Variants in LRRC37A2 observed in about 807,000 individuals in gnomAD.
The protein encoded by LRRC37A2 is leucine-rich repeat-containing protein 37A2.
LRRC37A2 carries 9 observed loss-of-function variants against 68.8 expected under a neutral mutation model. The observed-to-expected ratio is 0.13, with a 90% confidence interval of 0.08 to 0.23. The LOEUF (loss-of-function observed/expected upper bound fraction) is 0.23. Ranked by LOEUF, LRRC37A2 falls within the 10% of genes least tolerant of loss-of-function variation. The pLI is 1.00. For missense variants in LRRC37A2, 168 were observed against 950.4 expected, an observed-to-expected ratio of 0.18 and a Z score of 10.82; for synonymous variants, 63 against 367.6, an observed-to-expected ratio of 0.17 and a Z score of 9.48.
chr17:46,886,092 TTCTC>T, the LRRC37A2 span: 1 of 152,334 alleles, frequency 6.6e-6, no homozygotes, highest in South Asian at 2.1e-4. Context: ...ATGAACTTCT[TTCTC>T]TCCCTCCAGC....
Position 46,526,038 on chromosome 17 carries a change from GA to G in LRRC37A2, c.2906+2160del, listed in dbSNP as rs1234368072. Among the ~76,000 whole-genome samples the G allele has an allele frequency of 7.6e-5, 6 of 79,190 alleles. 1 individual carries two copies. Among genetic ancestry groups the G allele is most frequent in the African/African-American group, 3.4e-4 (6 of 17,452 alleles). The allele number at this position is 79,190 out of a possible 152,430, so 52.0% of individuals were successfully genotyped here. A position where few individuals can be genotyped will look rare whatever the true frequency, so the allele number is the denominator to read the frequency against. On this transcript the variant is annotated intron_variant, in intron 6 of 14. Coordinates refer to ENST00000576629, the Ensembl canonical transcript of LRRC37A2. ...AAAAAGGCATTTGCTTCATGGTGAT[GA>G]AAAAATCAGAGCTAGCTGATATTGG...
At chr17:46,516,108 G>C (rs1238905262) in intron 2 of LRRC37A2, among the ~76,000 whole-genome samples, 1 of 145,820 alleles carries the variant, frequency 6.9e-6, no homozygotes, top group Non-Finnish European at 1.5e-5. Flanking sequence ...AGACCATCCT[G>C]GCTAACATGG....
chr17:46,941,342 T>C, the LRRC37A2 span: 2 of 984,870 alleles, frequency 2.0e-6, no homozygotes, highest in Non-Finnish European at 2.4e-6. Context: ...TGAATAAAGT[T>C]GAGGTTTATT....
chr17:46,813,042 G>C, the LRRC37A2 span, among the ~76,000 whole-genome samples: 4 of 152,252 alleles, frequency 2.6e-5, no homozygotes, highest in East Asian at 7.7e-4. Flanking sequence ...CCAGAAGAGT[G>C]GGAGTGTTTG....
the LRRC37A2 span, among the ~76,000 whole-genome samples, chr17:46,782,101 C>T: frequency 6.6e-6 from 1 of 152,352 alleles, no homozygotes; most frequent in South Asian, 2.1e-4. Flanking sequence ...CTCCTCCCTT[C>T]GGTCTCAGGG....
the LRRC37A2 span, among the ~76,000 whole-genome samples, chr17:46,725,381 G>C: frequency 6.6e-6 from 1 of 152,098 alleles, no homozygotes; most frequent in South Asian, 2.1e-4. Flanking sequence ...GGGTAATTAG[G>C]GGGTAAAGGG....
the LRRC37A2 span, among the ~76,000 whole-genome samples, chr17:46,908,176 C>A: frequency 2.6e-5 from 4 of 151,882 alleles, no homozygotes; most frequent in Non-Finnish European, 5.9e-5. Flanking sequence ...CTCTGTGTCC[C>A]CCCTCCTCCC....
chr17:46,541,261 T>C (rs1318010931), intron 8 of LRRC37A2, among the ~76,000 whole-genome samples: 1 of 150,678 alleles, frequency 6.6e-6, no homozygotes, highest in Non-Finnish European at 1.5e-5. Flanking sequence ...AATTTTTTTT[T>C]TTGTTTTTGA....
the LRRC37A2 span, chr17:46,886,090 CTTT>C: frequency 2.6e-5 from 4 of 152,382 alleles, no homozygotes; most frequent in Non-Finnish European, 4.4e-5. Flanking sequence ...AGATGAACTT[CTTT>C]CTCTCCCTCC....
the LRRC37A2 span, among the ~76,000 whole-genome samples, chr17:46,732,383 G>A: frequency 7.0e-6 from 1 of 142,696 alleles, no homozygotes; most frequent in African/African-American, 2.6e-5. Flanking sequence ...TTGTAAATTG[G>A]CTTATTAAAA....
the LRRC37A2 span, among the ~76,000 whole-genome samples, chr17:46,685,580 G>T: frequency 6.6e-6 from 1 of 151,414 alleles, no homozygotes; most frequent in African/African-American, 2.4e-5. Context: ...GAAAGACTTT[G>T]CAGATGTTAA....
At chr17:46,896,321 AAGAG>A in the LRRC37A2 span, among the ~76,000 whole-genome samples, 4 of 150,572 alleles carry the variant, frequency 2.7e-5, no homozygotes, top group East Asian at 3.9e-4. Flanking sequence ...GAAAGAAAGA[AAGAG>A]AGAAAGAGAG....
At chr17:47,011,328 C>A in the LRRC37A2 span, among the ~76,000 whole-genome samples, 1 of 152,056 alleles carries the variant, frequency 6.6e-6, no homozygotes, top group African/African-American at 2.4e-5. Context: ...GTGGGTAGAT[C>A]ACTTGAGATC....
chr17:46,877,711 G>C, the LRRC37A2 span, among the ~76,000 whole-genome samples: 19 of 152,306 alleles, frequency 1.2e-4, no homozygotes, highest in African/African-American at 4.6e-4. Context: ...CCTGGTCTGT[G>C]ACACCCCCAT....
the LRRC37A2 span, among the ~76,000 whole-genome samples, chr17:46,776,378 T>C: frequency 6.6e-6 from 1 of 152,236 alleles, no homozygotes; most frequent in Non-Finnish European, 1.5e-5. Context: ...ATAATCCCTG[T>C]GGTTTATTAT....
chr17:46,826,554 C>T, the LRRC37A2 span, among the ~76,000 whole-genome samples: 1 of 152,228 alleles, frequency 6.6e-6, no homozygotes, highest in Non-Finnish European at 1.5e-5. Flanking sequence ...CCAGGTCTAC[C>T]ACAACCCCAG....
At chr17:46,716,282 A>C in the LRRC37A2 span, among the ~76,000 whole-genome samples, 1 of 142,812 alleles carries the variant, frequency 7.0e-6, no homozygotes, top group Non-Finnish European at 1.5e-5. Context: ...TTTGAGATGG[A>C]GTCTTGCTCT....
At chr17:46,940,951 C>G in the LRRC37A2 span, 33 of 1,248,178 alleles carry the variant, frequency 2.6e-5, no homozygotes, top group Non-Finnish European at 3.4e-5. Flanking sequence ...CAGTGTGACT[C>G]TCTCCACCGC....
chr17:46,762,868 T>C, the LRRC37A2 span: 1 of 152,186 alleles, frequency 6.6e-6, no homozygotes, highest in Non-Finnish European at 1.5e-5. Flanking sequence ...ACTTTTAATA[T>C]AGAATACATA....
Sources: allele counts gnomAD v4.1 joint callset (sites outside exome capture counted in the v4.1 genomes callset), GRCh38; gene constraint gnomAD v4.1.1; transcripts MANE v1.5; gene names NCBI Gene and HGNC (gene_info 2026-07-23, HGNC 2026-07-21).